Variants in PPFIA2 observed in about 807,000 individuals in gnomAD.
PPFIA2 encodes the protein liprin-alpha-2.
PPFIA2 carries 46 observed loss-of-function variants against 175.5 expected under a neutral mutation model. That is an observed-to-expected ratio of 0.26 (90% CI 0.21 to 0.34). The LOEUF (loss-of-function observed/expected upper bound fraction) is 0.34. Ranked by LOEUF, PPFIA2 falls within the 10% of genes least tolerant of loss-of-function variation. The pLI is 1.00. For missense variants in PPFIA2, 1,179 were observed against 1,506.1 expected, an observed-to-expected ratio of 0.78 and a Z score of 3.60; for synonymous variants, 568 against 511.4, an observed-to-expected ratio of 1.11 and a Z score of -1.49.
intron 8 of PPFIA2, among the ~76,000 whole-genome samples, chr12:81,394,481 T>C (rs2040732357): frequency 6.6e-6 from 1 of 152,002 alleles, no homozygotes; most frequent in African/African-American, 2.4e-5. Context: ...AAAAATCAAG[T>C]TGTTTATCCC....
chr12:81,708,797 C>G (rs2077526956), intron 3 of PPFIA2, among the ~76,000 whole-genome samples: 1 of 152,160 alleles, frequency 6.6e-6, no homozygotes, highest in Non-Finnish European at 1.5e-5. Flanking sequence ...TGGAAGATGT[C>G]TGCTAATTTT....
chr12:81,325,868 C>A lies in PPFIA2; in HGVS notation c.2551G>T (p.Gly851Cys). 6.2e-7 allele frequency: 1 copy of A among 1,608,900 alleles called. No homozygotes were observed. Among genetic ancestry groups the A allele is most frequent in the Non-Finnish European group, 8.5e-7 (1 of 1,175,854 alleles). The change falls in exon 22 of 33, where the codon GGC becomes TGC. Residue 851 changes from glycine to cysteine, a missense_variant and splice_region_variant. Around this residue, in one of 10 missense-constraint regions of PPFIA2, gnomAD observed 223 missense variants for 241.6 expected, o/e 0.92. Transcript: ENST00000549396. ...KEKARLGQLR[G>C]FMETEAAAQE... is the part of the protein sequence containing the mutation. ...GCTGCAGCTTCAGTCTCCATAAAGCCTCCTGTGAAGAGAAGTAACTAAGTA... is the reference window on the plus strand; with the variant it reads ...GCTGCAGCTTCAGTCTCCATAAAGCATCCTGTGAAGAGAAGTAACTAAGTA...
chr12:81,642,728 C>T lies in PPFIA2; in HGVS notation c.303+34063G>A, dbSNP rs796074723. Among the ~76,000 whole-genome samples the T allele has an allele frequency of 4.4e-4, 5 of 11,322 alleles. 2 individuals are homozygous for T. The highest frequency in any genetic ancestry group is 1.4e-3 in the East Asian group (1 of 710). 7.4% of individuals were successfully genotyped at this position (11,322 alleles called of 152,430 possible). On this transcript the variant is annotated intron_variant, in intron 4 of 32. Transcript: ENST00000549396. The stretch of plus-strand genomic sequence containing the variant: ...TATGTATGTATGTATTATATACATA[C>T]ATGTATATGTATGTATGTATTATAT...
chr12:81,654,376 T>C (rs1324575756), intron 4 of PPFIA2, among the ~76,000 whole-genome samples: 1 of 152,034 alleles, frequency 6.6e-6, no homozygotes, highest in African/African-American at 2.4e-5. Context: ...TTGATCACTA[T>C]TTTAAAAGCC....
chr12:81,560,207 T>C (rs1310313974), intron 4 of PPFIA2, among the ~76,000 whole-genome samples: 2 of 151,950 alleles, frequency 1.3e-5, no homozygotes, highest in Admixed American at 6.6e-5. Flanking sequence ...AGTACGGGCA[T>C]GTCTTTAAAA....
intron 3 of PPFIA2, among the ~76,000 whole-genome samples, chr12:81,731,757 T>C (rs1218030233): frequency 1.3e-5 from 2 of 151,628 alleles, no homozygotes; most frequent in Non-Finnish European, 3.0e-5. Flanking sequence ...AATCCCTCTA[T>C]GTCAGTTTCC....
At chr12:81,506,162 T>C (rs899945514) in intron 4 of PPFIA2, 8 of 152,216 alleles carry the variant, frequency 5.3e-5, no homozygotes, top group African/African-American at 1.9e-4. Flanking sequence ...CAAAGTTACA[T>C]TAGGCTTATA....
At chr12:81,385,107 G>A (rs1387527372) in intron 8 of PPFIA2, among the ~76,000 whole-genome samples, 1 of 152,070 alleles carries the variant, frequency 6.6e-6, no homozygotes, top group Non-Finnish European at 1.5e-5. Flanking sequence ...ATGAAAAAAT[G>A]CTCAATACCA....
intron 4 of PPFIA2, among the ~76,000 whole-genome samples, chr12:81,516,536 A>G (rs1336219290): frequency 1.3e-5 from 2 of 152,164 alleles, no homozygotes; most frequent in Non-Finnish European, 2.9e-5. Flanking sequence ...CTAACCCAAT[A>G]TGACTGTGTC....
intron 8 of PPFIA2, among the ~76,000 whole-genome samples, chr12:81,385,393 T>C (rs150317024): frequency 1.3e-5 from 2 of 152,276 alleles, no homozygotes; most frequent in East Asian, 3.9e-4. Flanking sequence ...GGAAGAGATA[T>C]CTGCACTCCT....
At chr12:81,273,095 T>C (rs2039570302) in intron 28 of PPFIA2, among the ~76,000 whole-genome samples, 1 of 152,216 alleles carries the variant, frequency 6.6e-6, no homozygotes, top group Admixed American at 6.5e-5. Context: ...TTTTACTGTA[T>C]TATCATGAGA....
intron 6 of PPFIA2, among the ~76,000 whole-genome samples, chr12:81,440,675 C>T (rs1400436813): frequency 2.0e-5 from 3 of 151,812 alleles, no homozygotes; most frequent in African/African-American, 7.2e-5. Context: ...GAACAAAAAT[C>T]TCTGTATATT....
At chr12:81,332,437 C>T (rs759734897) in intron 21 of PPFIA2, among the ~76,000 whole-genome samples, 1 of 152,110 alleles carries the variant, frequency 6.6e-6, no homozygotes, top group Non-Finnish European at 1.5e-5. Flanking sequence ...TCTACCTTTA[C>T]ACCTTTTCAA....
intron 24 of PPFIA2, 86 bp from the exon 25 acceptor site, chr12:81,284,389 C>T: frequency 1.1e-6 from 1 of 912,104 alleles, no homozygotes; most frequent in Non-Finnish European, 1.8e-6. Context: ...TGTGAGTTAA[C>T]AGCAACACAG....
chr12:81,340,727 A>T (rs2140314468), intron 20 of PPFIA2, among the ~76,000 whole-genome samples: 1 of 152,200 alleles, frequency 6.6e-6, no homozygotes, highest in African/African-American at 2.4e-5. Flanking sequence ...ACTGCAATCC[A>T]AATTTATGAT....
At position 81,748,928 on chromosome 12, in the gene PPFIA2, T is replaced by C. The variant is rs570602498; in HGVS notation, c.249+5045A>G. Among the ~76,000 whole-genome samples, 199 of 144,798 alleles carry C rather than the reference T, an allele frequency of 1.4e-3. 26 individuals carry two copies. Among genetic ancestry groups the C allele is most frequent in the Non-Finnish European group, 1.7e-3 (109 of 64,488 alleles). 95.0% of individuals were successfully genotyped at this position (144,798 alleles called of 152,430 possible). On this transcript the variant is annotated intron_variant, in intron 3 of 32. Coordinates refer to ENST00000549396, the MANE Select transcript of PPFIA2 (RefSeq NM_003625.5). ...AACAGCCTACGCTTCACAGCCACTA[T>C]ATAGAACTTCACTTTCATCCTATAA...
At chr12:81,388,477 G>A (rs1165170086) in intron 8 of PPFIA2, among the ~76,000 whole-genome samples, 3 of 152,012 alleles carry the variant, frequency 2.0e-5, no homozygotes. Flanking sequence ...CAGATTGGTT[G>A]TTGCCTGGGC....
intron 4 of PPFIA2, among the ~76,000 whole-genome samples, chr12:81,513,055 G>A (rs568748696): frequency 1.3e-4 from 19 of 151,834 alleles, no homozygotes; most frequent in African/African-American, 3.9e-4. Context: ...AATCAGCAAG[G>A]AAAATAATAA....
intron 3 of PPFIA2, among the ~76,000 whole-genome samples, chr12:81,710,604 T>G (rs2077765589): frequency 6.6e-6 from 1 of 152,084 alleles, no homozygotes; most frequent in South Asian, 2.1e-4. Context: ...TTTGGAATAT[T>G]TACATATACA....
Sources: gnomAD v4.1 joint callset for allele counts (sites outside exome capture counted in the v4.1 genomes callset) on GRCh38, gnomAD v4.1.1 for gene constraint, gnomAD v4.1.1 regional missense constraint, MANE v1.5 for transcripts, NCBI Gene and HGNC (gene_info 2026-07-23, HGNC 2026-07-21) for gene names.